The following SLC24A3 variants were observed in gnomAD, a reference collection of about 807,000 sequenced individuals.
SLC24A3 encodes the protein solute carrier family 24 member 3.
Under a neutral mutation model 75.8 loss-of-function variants are expected in SLC24A3, and 28 were observed. That is an observed-to-expected ratio of 0.37 (90% CI 0.27 to 0.51). The LOEUF (loss-of-function observed/expected upper bound fraction) is 0.51, where lower values mean the gene tolerates loss of function less well. Ranked by LOEUF, SLC24A3 falls within the 20% of genes least tolerant of loss-of-function variation. The pLI, the probability that SLC24A3 is intolerant of heterozygous loss-of-function variation, is 0.94. For synonymous variants in SLC24A3, 372 were observed against 334.1 expected, an observed-to-expected ratio of 1.11 and a Z score of -1.24; for missense variants, 663 against 847.8, an observed-to-expected ratio of 0.78 and a Z score of 2.71.
At chr20:19,527,893 C>T (rs543880297) in intron 3 of SLC24A3, among the ~76,000 whole-genome samples, 4 of 152,164 alleles carry the variant, frequency 2.6e-5, no homozygotes, top group Admixed American at 2.6e-4. Flanking sequence ...AATTCAGTGT[C>T]CCACACATGA....
At chr20:19,452,105 G>T (rs1173788939) in intron 2 of SLC24A3, among the ~76,000 whole-genome samples, 2 of 152,184 alleles carry the variant, frequency 1.3e-5, no homozygotes, top group East Asian at 1.9e-4. Flanking sequence ...GAAACGTTGC[G>T]TGTGATAGAT....
chr20:19,551,750 A>G (rs1435128707), intron 3 of SLC24A3, among the ~76,000 whole-genome samples: 1 of 152,064 alleles, frequency 6.6e-6, no homozygotes, highest in Non-Finnish European at 1.5e-5. Flanking sequence ...TTCCCATAGG[A>G]CATGCTCTCA....
chr20:19,414,903 C>G (rs1467678640), intron 2 of SLC24A3, among the ~76,000 whole-genome samples: 3 of 152,184 alleles, frequency 2.0e-5, no homozygotes, highest in Non-Finnish European at 4.4e-5. Flanking sequence ...TTATAATGTT[C>G]AACCAAAATA....
intron 1 of SLC24A3, among the ~76,000 whole-genome samples, chr20:19,219,329 T>G (rs369692373): frequency 1.1e-4 from 17 of 152,242 alleles, no homozygotes; most frequent in African/African-American, 4.1e-4. Context: ...TGGGATCCCT[T>G]GAGGGAGTTC....
intron 2 of SLC24A3, among the ~76,000 whole-genome samples, chr20:19,332,014 A>T (rs1183245301): frequency 6.6e-6 from 1 of 152,182 alleles, no homozygotes; most frequent in Admixed American, 6.5e-5. Context: ...CCGGAGGGAG[A>T]CGGAGGTGCT....
At chr20:19,590,318 C>T (rs537563109) in intron 6 of SLC24A3, among the ~76,000 whole-genome samples, 3 of 152,180 alleles carry the variant, frequency 2.0e-5, no homozygotes, top group Admixed American at 1.3e-4. Flanking sequence ...CACCCACAGG[C>T]TGCCCCAGCT....
In SLC24A3 at chr20:19,299,177, C is replaced by CGTGTGTGTGTGT. The variant is rs761006484; in HGVS notation, c.271+18099_271+18110dup. Among the ~76,000 whole-genome samples, 99 of 130,426 alleles carry CGTGTGTGTGTGT rather than the reference C, an allele frequency of 7.6e-4. 1 individual carries two copies. Among genetic ancestry groups the CGTGTGTGTGTGT allele is most frequent in the East Asian group, 2.9e-3 (11 of 3,806 alleles). 85.6% of individuals were successfully genotyped at this position (130,426 alleles called of 152,430 possible). On this transcript the variant is annotated intron_variant, in intron 2 of 16. Coordinates refer to ENST00000328041, the MANE Select transcript of SLC24A3 (RefSeq NM_020689.4). ...AGACCACATAATAGTTCTTCCCCTTCGTGTGTGTGTGTGTGTGTGTATGTG... is the reference window on the plus strand; with the variant it reads ...AGACCACATAATAGTTCTTCCCCTTCGTGTGTGTGTGTGTGTGTGTGTGTGTGTGTGTATGTG...
intron 2 of SLC24A3, among the ~76,000 whole-genome samples, chr20:19,459,003 C>T (rs1427583782): frequency 6.6e-6 from 1 of 152,108 alleles, no homozygotes; most frequent in East Asian, 1.9e-4. Context: ...GTGTTATAGT[C>T]AGATTTGCTT....
chr20:19,380,563 A>G (rs1194987437), intron 2 of SLC24A3, among the ~76,000 whole-genome samples: 1 of 152,052 alleles, frequency 6.6e-6, no homozygotes, highest in Non-Finnish European at 1.5e-5. Context: ...CTTTCTGCTG[A>G]TTTGTTTTCC....
chr20:19,313,553 C>G (rs903080472), intron 2 of SLC24A3, among the ~76,000 whole-genome samples: 3 of 152,250 alleles, frequency 2.0e-5, no homozygotes, highest in Admixed American at 1.3e-4. Context: ...CCAGCCTGTT[C>G]TGGGTCAGTG....
chr20:19,660,859 GA>G (rs2032319060), intron 7 of SLC24A3, among the ~76,000 whole-genome samples: 3 of 152,206 alleles, frequency 2.0e-5, no homozygotes, highest in African/African-American at 7.2e-5. Flanking sequence ...TCCTCACCGA[GA>G]ATGACTTTGA....
intron 1 of SLC24A3, among the ~76,000 whole-genome samples, chr20:19,262,404 CAAAA>C (rs58691860): frequency 1.3e-5 from 1 of 75,754 alleles, no homozygotes; most frequent in Non-Finnish European, 2.5e-5. Flanking sequence ...GACTCCGTCT[CAAAA>C]AAAAAAAAAA....
chr20:19,685,975 G>C (rs2032670730), intron 12 of SLC24A3, among the ~76,000 whole-genome samples: 1 of 152,168 alleles, frequency 6.6e-6, no homozygotes, highest in South Asian at 2.1e-4. Flanking sequence ...TCCATTTCCT[G>C]AGAAAAGAGC....
chr20:19,407,003 G>A (rs1341523885), intron 2 of SLC24A3, among the ~76,000 whole-genome samples: 1 of 152,048 alleles, frequency 6.6e-6, no homozygotes, highest in Admixed American at 6.5e-5. Flanking sequence ...CACCAATCAT[G>A]GCACTCTTTT....
At chr20:19,651,459 T>A (rs1245842454) in intron 6 of SLC24A3, among the ~76,000 whole-genome samples, 2 of 150,830 alleles carry the variant, frequency 1.3e-5, no homozygotes. Context: ...TAGGGTCTGT[T>A]CTTTGTTCCA....
intron 6 of SLC24A3, among the ~76,000 whole-genome samples, chr20:19,603,414 T>C (rs2031554688): frequency 6.6e-6 from 1 of 152,200 alleles, no homozygotes; most frequent in Admixed American, 6.5e-5. Flanking sequence ...GAATGGGGGC[T>C]GGTGATGGAT....
intron 2 of SLC24A3, among the ~76,000 whole-genome samples, chr20:19,325,163 C>T (rs139783288): frequency 1.3e-5 from 2 of 152,082 alleles, no homozygotes; most frequent in East Asian, 3.9e-4. Context: ...TACAGTGGCT[C>T]ACGCCTATAA....
chr20:19,433,850 T>C (rs1332117631), intron 2 of SLC24A3, among the ~76,000 whole-genome samples: 3 of 152,206 alleles, frequency 2.0e-5, no homozygotes, highest in African/African-American at 7.2e-5. Flanking sequence ...AAGGTTCTTT[T>C]CTTTTCTCAC....
intron 8 of SLC24A3, among the ~76,000 whole-genome samples, chr20:19,669,188 T>C (rs1247626474): frequency 6.6e-6 from 1 of 152,168 alleles, no homozygotes; most frequent in Non-Finnish European, 1.5e-5. Context: ...TAGGTGCCTA[T>C]GTGCTAAAAG....
Sources: allele counts gnomAD v4.1 joint callset (sites outside exome capture counted in the v4.1 genomes callset), GRCh38; gene constraint gnomAD v4.1.1; transcripts MANE v1.5; gene names NCBI Gene and HGNC (gene_info 2026-07-23, HGNC 2026-07-21).